PPM1H: variants seen among roughly 807,000 people sequenced by gnomAD.
PPM1H encodes the protein protein phosphatase 1H.
In PPM1H, 27 loss-of-function variants were observed where a neutral mutation model predicts 54.9. The ratio of observed to expected loss-of-function variants is 0.49; its 90% CI spans 0.36 to 0.68. The LOEUF is 0.68. Ranked by LOEUF, PPM1H falls within the 30% of genes least tolerant of loss-of-function variation. The pLI, the probability that PPM1H is intolerant of heterozygous loss-of-function variation, is 0.00. For synonymous variants in PPM1H, 305 were observed against 270.8 expected, an observed-to-expected ratio of 1.13 and a Z score of -1.24; for missense variants, 596 against 667.8, an observed-to-expected ratio of 0.89 and a Z score of 1.19.
At position 62,765,231 on chromosome 12, in the gene PPM1H, C is replaced by T. The variant is rs548910649; in HGVS notation, c.869+22995G>A. ...TGGTGAAAAAGAGAACTGATGTCCA[C>T]GAGATGTCATCTGGAATCAGAACTG... On this transcript the variant is annotated intron_variant, in intron 4 of 9. Coordinates refer to ENST00000228705, the MANE Select transcript of PPM1H (RefSeq NM_020700.2). 2.6e-5 allele frequency among the ~76,000 whole-genome samples: 4 copies of T among 152,132 alleles called. No homozygotes were observed. In the East Asian group the frequency reaches 5.8e-4, roughly 22 times the overall value.
At chr12:62,808,597 G>A (rs1243139326) in intron 2 of PPM1H, among the ~76,000 whole-genome samples, 1 of 151,870 alleles carries the variant, frequency 6.6e-6, no homozygotes, top group Non-Finnish European at 1.5e-5. Context: ...CCACATTCTA[G>A]CCCTTACTCA....
At chr12:62,916,039 G>T (rs1315151650) in intron 1 of PPM1H, among the ~76,000 whole-genome samples, 1 of 151,990 alleles carries the variant, frequency 6.6e-6, no homozygotes, top group African/African-American at 2.4e-5. Flanking sequence ...CCATTTGCTG[G>T]GTTCCCAGCA....
chr12:62,782,355 T>G (rs543955627), intron 4 of PPM1H, among the ~76,000 whole-genome samples: 1 of 152,206 alleles, frequency 6.6e-6, no homozygotes, highest in African/African-American at 2.4e-5. Flanking sequence ...AGATGTGTAA[T>G]TGATTTTGAA....
intron 2 of PPM1H, among the ~76,000 whole-genome samples, chr12:62,804,268 C>A (rs941803036): frequency 1.3e-5 from 2 of 150,924 alleles, no homozygotes; most frequent in African/African-American, 4.9e-5. Flanking sequence ...ATGGGAGAAT[C>A]CCTTGAATCG....
chr12:62,670,252 C>T (rs1346382477), intron 8 of PPM1H, among the ~76,000 whole-genome samples: 2 of 152,050 alleles, frequency 1.3e-5, no homozygotes, highest in East Asian at 3.9e-4. Context: ...ACTGGGATTA[C>T]AGGCATGAGC....
intron 1 of PPM1H, among the ~76,000 whole-genome samples, chr12:62,892,348 A>G (rs1336582179): frequency 6.6e-6 from 1 of 151,976 alleles, no homozygotes; most frequent in African/African-American, 2.4e-5. Context: ...GAAGAGATCT[A>G]CCAATTTTTC....
chr12:62,816,016 C>G (rs915980965), intron 2 of PPM1H, among the ~76,000 whole-genome samples: 13 of 152,110 alleles, frequency 8.5e-5, no homozygotes, highest in African/African-American at 3.1e-4. Flanking sequence ...ACTCCCATAT[C>G]AAAAGAGAAA....
intron 4 of PPM1H, among the ~76,000 whole-genome samples, chr12:62,780,311 T>C (rs2076634226): frequency 6.6e-6 from 1 of 152,000 alleles, no homozygotes; most frequent in South Asian, 2.1e-4. Context: ...GTTTTCTTTC[T>C]TTTTTTTGGT....
rs560948096 is a variant in PPM1H at position 62,747,798 on chromosome 12, G to A, written c.870-10212C>T. Among the ~76,000 whole-genome samples, 4 of 152,324 alleles carry A rather than the reference G, an allele frequency of 2.6e-5. No homozygotes were observed. The East Asian group carries it at 7.7e-4, about 29-fold the overall frequency. Reference sequence around the variant, plus strand: ...ACATGGCATGGAGACAATAGGCATAGAGCTTTTCAGCCTCAGTAGAAAGCT... The same window carrying A: ...ACATGGCATGGAGACAATAGGCATAAAGCTTTTCAGCCTCAGTAGAAAGCT... On this transcript the variant is annotated intron_variant, in intron 4 of 9. Transcript: ENST00000228705.
At chr12:62,699,206 A>T (rs1269934583) in intron 6 of PPM1H, among the ~76,000 whole-genome samples, 1 of 152,016 alleles carries the variant, frequency 6.6e-6, no homozygotes, top group Non-Finnish European at 1.5e-5. Flanking sequence ...TTATTTATTT[A>T]TTTTTTTGAG....
intron 1 of PPM1H, among the ~76,000 whole-genome samples, chr12:62,889,343 G>A (rs892381398): frequency 6.6e-6 from 1 of 152,088 alleles, no homozygotes; most frequent in Non-Finnish European, 1.5e-5. Context: ...AGAACAAAGA[G>A]GGCTGACACT....
At chr12:62,898,947 T>G (rs1871078452) in intron 1 of PPM1H, among the ~76,000 whole-genome samples, 1 of 152,192 alleles carries the variant, frequency 6.6e-6, no homozygotes, top group South Asian at 2.1e-4. Context: ...GGAAGGCCAC[T>G]GAAAGGCTCG....
At chr12:62,648,755 T>TA in intron 9 of PPM1H, 119 bp from the exon 10 acceptor site, 1 of 1,127,368 alleles carries the variant, frequency 8.9e-7, no homozygotes. Flanking sequence ...CAAATACACT[T>TA]ACAATACGAA....
intron 1 of PPM1H, among the ~76,000 whole-genome samples, chr12:62,877,928 C>T (rs1462931962): frequency 5.3e-5 from 8 of 152,132 alleles, no homozygotes; most frequent in African/African-American, 1.4e-4. Flanking sequence ...GGCGGGGTCT[C>T]GCTCTATCGT....
At chr12:62,932,634 T>TTTTTTTTTTTTTTTG (rs1872180567) in intron 1 of PPM1H, among the ~76,000 whole-genome samples, 1 of 125,162 alleles carries the variant, frequency 8.0e-6, no homozygotes, top group Non-Finnish European at 1.7e-5. Flanking sequence ...TGGGCTTTTT[T>TTTTTTTTTTTTTTTG]TTTTTTTTTT....
At chr12:62,911,902 C>A (rs1044387936) in intron 1 of PPM1H, among the ~76,000 whole-genome samples, 1 of 152,208 alleles carries the variant, frequency 6.6e-6, no homozygotes, top group Non-Finnish European at 1.5e-5. Flanking sequence ...CACCCCTTAT[C>A]GCCTGATCCT....
chr12:62,764,083 C>T (rs1192977961), intron 4 of PPM1H, among the ~76,000 whole-genome samples: 1 of 152,186 alleles, frequency 6.6e-6, no homozygotes, highest in African/African-American at 2.4e-5. Flanking sequence ...TGTCTCTCCT[C>T]TCCTTTGTAA....
chr12:62,858,921 C>A (rs142832935), intron 1 of PPM1H, among the ~76,000 whole-genome samples: 82 of 152,282 alleles, frequency 5.4e-4, no homozygotes, highest in Middle Eastern at 6.8e-3. Context: ...CAAGAGAATA[C>A]AACCTAAAAC....
At chr12:62,659,064 A>G in intron 9 of PPM1H, 1 of 727,208 alleles carries the variant, frequency 1.4e-6, no homozygotes, top group Non-Finnish European at 2.5e-6. Flanking sequence ...CCACAGCGTC[A>G]AGGAGCCGGA....
Sources: gnomAD v4.1 joint callset for allele counts (sites outside exome capture counted in the v4.1 genomes callset) on GRCh38, gnomAD v4.1.1 for gene constraint, MANE v1.5 for transcripts, NCBI Gene and HGNC (gene_info 2026-07-23, HGNC 2026-07-21) for gene names.